Variants in PLPP4 observed in about 807,000 individuals in gnomAD.
The protein encoded by PLPP4 is diacylglycerol pyrophosphate like 2.
PLPP4 carries 20 observed loss-of-function variants against 32.2 expected under a neutral mutation model. The ratio of observed to expected loss-of-function variants is 0.62; its 90% CI spans 0.44 to 0.90. The LOEUF is 0.90. Ranked by LOEUF, PLPP4 falls within the 40% of genes least tolerant of loss-of-function variation. The pLI is 0.00. For missense variants in PLPP4, 257 were observed against 353.1 expected, an observed-to-expected ratio of 0.73 and a Z score of 2.18; for synonymous variants, 127 against 133.0, an observed-to-expected ratio of 0.95 and a Z score of 0.31.
intron 1 of PLPP4, among the ~76,000 whole-genome samples, chr10:120,502,496 G>T (rs1845301286): frequency 6.6e-6 from 1 of 152,132 alleles, no homozygotes. Flanking sequence ...CCAAATAGAT[G>T]TTAACTTCTG....
At chr10:120,516,478 C>G (rs569853837) in intron 3 of PLPP4, among the ~76,000 whole-genome samples, 120 of 149,192 alleles carry the variant, frequency 8.0e-4, no homozygotes, top group African/African-American at 2.6e-3. Context: ...AATAGAGAAC[C>G]CTCTTATAAA....
chr10:120,580,815 C>G (rs918127918), intron 6 of PLPP4: 34 of 1,182,782 alleles, frequency 2.9e-5, no homozygotes, highest in Non-Finnish European at 3.6e-5. Flanking sequence ...CCTGCCAGCC[C>G]TGGGTAGAAC....
At chr10:120,522,972 G>GT (rs1846223941) in intron 5 of PLPP4, among the ~76,000 whole-genome samples, 1 of 152,246 alleles carries the variant, frequency 6.6e-6, no homozygotes, top group African/African-American at 2.4e-5. Flanking sequence ...GATTTAGGGT[G>GT]AGCCCTAAGC....
At chr10:120,489,046 T>G (rs919776952) in intron 1 of PLPP4, among the ~76,000 whole-genome samples, 1 of 152,144 alleles carries the variant, frequency 6.6e-6, no homozygotes, top group South Asian at 2.1e-4. Context: ...CTTCCCTCCC[T>G]CCCTACTTCC....
At chr10:120,485,719 A>T (rs1844416363) in intron 1 of PLPP4, among the ~76,000 whole-genome samples, 1 of 152,246 alleles carries the variant, frequency 6.6e-6, no homozygotes, top group South Asian at 2.1e-4. Flanking sequence ...CAAAAAGAAA[A>T]TTGAAATAAA....
intron 5 of PLPP4, among the ~76,000 whole-genome samples, chr10:120,541,062 C>G (rs1416419513): frequency 2.6e-5 from 4 of 152,084 alleles, no homozygotes; most frequent in Non-Finnish European, 5.9e-5. Context: ...AAAAGAATGC[C>G]TTTTTAGGAC....
intron 5 of PLPP4, among the ~76,000 whole-genome samples, chr10:120,536,524 T>G (rs1847026831): frequency 6.6e-6 from 1 of 151,918 alleles, no homozygotes; most frequent in African/African-American, 2.4e-5. Flanking sequence ...TCTTATATCA[T>G]ACACAAAAAT....
chr10:120,579,262 G>A (rs1217271091), intron 6 of PLPP4, among the ~76,000 whole-genome samples: 4 of 152,138 alleles, frequency 2.6e-5, no homozygotes, highest in Non-Finnish European at 5.9e-5. Flanking sequence ...CCTGCGTGGT[G>A]TTTCATTATA....
chr10:120,490,329 G>A (rs1844660250), intron 1 of PLPP4, among the ~76,000 whole-genome samples: 1 of 152,182 alleles, frequency 6.6e-6, no homozygotes, highest in South Asian at 2.1e-4. Context: ...TTGCAGTACA[G>A]GTGGCCATGA....
rs866208321 is a variant in PLPP4 at position 120,522,535 on chromosome 10, A to G, written c.445+1440A>G. Among the ~76,000 whole-genome samples the G allele has an allele frequency of 3.3e-5, 5 of 152,318 alleles. 1 individual carries two copies. In the South Asian group the frequency reaches 6.2e-4, roughly 19 times the overall value. On this transcript the variant is annotated intron_variant, in intron 5 of 6. Coordinates refer to ENST00000398250, the MANE Select transcript of PLPP4 (RefSeq NM_001030059.3). ...AATTCCTGCTGTCTTGGGACTTTCA[A>G]TGATCAAATACAACAAAACATTTAC...
intron 6 of PLPP4, among the ~76,000 whole-genome samples, chr10:120,580,499 T>G (rs1232047460): frequency 6.6e-6 from 1 of 152,070 alleles, no homozygotes; most frequent in Non-Finnish European, 1.5e-5. Context: ...AAAGGGAACT[T>G]TTTACCACAG....
intron 1 of PLPP4, among the ~76,000 whole-genome samples, chr10:120,491,814 AACAACAACAACAAAAC>A (rs1844736233): frequency 6.6e-6 from 1 of 152,106 alleles, no homozygotes; most frequent in Non-Finnish European, 1.5e-5. Flanking sequence ...AATCTCTAAG[AACAACAACAACAAAAC>A]CCAACAACAA....
At chr10:120,522,925 T>C (rs1025250433) in intron 5 of PLPP4, among the ~76,000 whole-genome samples, 40 of 152,244 alleles carry the variant, frequency 2.6e-4, no homozygotes, top group African/African-American at 9.2e-4. Flanking sequence ...TCTTGGCAGA[T>C]GCAATTAAGT....
At chr10:120,569,359 C>T (rs1217653721) in intron 5 of PLPP4, among the ~76,000 whole-genome samples, 1 of 152,188 alleles carries the variant, frequency 6.6e-6, no homozygotes, top group Non-Finnish European at 1.5e-5. Flanking sequence ...CTCCCGCTAT[C>T]ATTTTTCTTC....
rs531060611 is a variant in PLPP4, at chr10:120,528,132, C to T, written c.445+7037C>T. The stretch of plus-strand genomic sequence containing the variant: ...CTCTGTCGCCCAGGCTGGAGTGCAG[C>T]GGCGCGATCTCGGCTCACTGCAAGC... On this transcript the variant is annotated intron_variant, in intron 5 of 6. Coordinates refer to ENST00000398250, the MANE Select transcript of PLPP4 (RefSeq NM_001030059.3). Among the ~76,000 whole-genome samples, 1,130 of 128,308 alleles carry T rather than the reference C, an allele frequency of 8.8e-3. 16 individuals are homozygous for T. The highest frequency in any genetic ancestry group is 0.032 in the African/African-American group (1,069 of 33,366). The allele number at this position is 128,308 out of a possible 152,430, so 84.2% of individuals were successfully genotyped here. A position where few individuals can be genotyped will look rare whatever the true frequency, so the allele number is the denominator to read the frequency against.
At chr10:120,537,945 C>T (rs939901766) in intron 5 of PLPP4, among the ~76,000 whole-genome samples, 1 of 148,742 alleles carries the variant, frequency 6.7e-6, no homozygotes, top group Non-Finnish European at 1.5e-5. Context: ...TCAGCCAGGG[C>T]CCTGCCACAG....
At chr10:120,545,016 G>C (rs903846976) in intron 5 of PLPP4, among the ~76,000 whole-genome samples, 11 of 152,218 alleles carry the variant, frequency 7.2e-5, no homozygotes, top group Non-Finnish European at 7.3e-5. Context: ...GTGCTTGGTT[G>C]ATGGCGTCAC....
At chr10:120,459,455 A>G (rs1161605201) in intron 1 of PLPP4, among the ~76,000 whole-genome samples, 1 of 152,208 alleles carries the variant, frequency 6.6e-6, no homozygotes, top group African/African-American at 2.4e-5. Context: ...GCAGAAACAG[A>G]TGACCCTTTG....
chr10:120,535,675 T>G (rs1846982802), intron 5 of PLPP4, among the ~76,000 whole-genome samples: 1 of 152,190 alleles, frequency 6.6e-6, no homozygotes, highest in Non-Finnish European at 1.5e-5. Context: ...TTCTTGATAT[T>G]TTGAGCCTTT....
Sources: allele counts gnomAD v4.1 joint callset (sites outside exome capture counted in the v4.1 genomes callset), GRCh38; gene constraint gnomAD v4.1.1; transcripts MANE v1.5; gene names NCBI Gene and HGNC (gene_info 2026-07-23, HGNC 2026-07-21).